ATRNL1: variants seen among roughly 807,000 people sequenced by gnomAD.
The protein encoded by ATRNL1 is attractin-like protein 1.
In ATRNL1, 95 loss-of-function variants were observed where a neutral mutation model predicts 182.7. That is an observed-to-expected ratio of 0.52 (90% CI 0.44 to 0.62). The LOEUF (loss-of-function observed/expected upper bound fraction) is 0.62, where lower values mean the gene tolerates loss of function less well. Ranked by LOEUF, ATRNL1 falls within the 20% of genes least tolerant of loss-of-function variation. ATRNL1 has a pLI of 0.00. For synonymous variants in ATRNL1, 576 were observed against 568.3 expected, an observed-to-expected ratio of 1.01 and a Z score of -0.19; for missense variants, 1,471 against 1,679.5, an observed-to-expected ratio of 0.88 and a Z score of 2.17.
At chr10:115,926,373 T>C (rs1555120131) in intron 28 of ATRNL1, among the ~76,000 whole-genome samples, 1 of 151,314 alleles carries the variant, frequency 6.6e-6, no homozygotes, top group African/African-American at 2.4e-5. Flanking sequence ...AGCAAACTAA[T>C]CCAAAAGCTA....
intron 18 of ATRNL1, among the ~76,000 whole-genome samples, chr10:115,324,900 T>C (rs973256979): frequency 1.3e-5 from 2 of 152,176 alleles, no homozygotes; most frequent in African/African-American, 2.4e-5. Flanking sequence ...TTAGCTTTAC[T>C]ATTCTTATTT....
At chr10:115,554,994 G>A (rs1299031731) in intron 26 of ATRNL1, among the ~76,000 whole-genome samples, 1 of 151,702 alleles carries the variant, frequency 6.6e-6, no homozygotes, top group Non-Finnish European at 1.5e-5. Flanking sequence ...TCAAACGAAT[G>A]TATATCTCGA....
intron 26 of ATRNL1, among the ~76,000 whole-genome samples, chr10:115,614,879 T>C (rs1857353705): frequency 6.6e-6 from 1 of 152,202 alleles, no homozygotes; most frequent in Non-Finnish European, 1.5e-5. Context: ...GAATATCTTT[T>C]TCTCATCCCT....
intron 26 of ATRNL1, among the ~76,000 whole-genome samples, chr10:115,681,942 G>A (rs1211769347): frequency 6.6e-6 from 1 of 152,130 alleles, no homozygotes; most frequent in African/African-American, 2.4e-5. Context: ...AATTGATCCT[G>A]AGATACAATG....
intron 8 of ATRNL1, among the ~76,000 whole-genome samples, chr10:115,187,578 A>T (rs1847989298): frequency 1.3e-5 from 2 of 151,934 alleles, no homozygotes; most frequent in Admixed American, 6.6e-5. Flanking sequence ...CAAAATTTAA[A>T]TGTATAGATA....
intron 19 of ATRNL1, among the ~76,000 whole-genome samples, chr10:115,374,184 T>C (rs2134207247): frequency 6.6e-6 from 1 of 152,004 alleles, no homozygotes; most frequent in Middle Eastern, 3.4e-3. Context: ...CATAATCTTC[T>C]ATGATATTAG....
chr10:115,643,212 G>A (rs1249989198), intron 26 of ATRNL1, among the ~76,000 whole-genome samples: 1 of 152,120 alleles, frequency 6.6e-6, no homozygotes, highest in Non-Finnish European at 1.5e-5. Flanking sequence ...ATGCAAAGGT[G>A]TTTCAATGGA....
intron 28 of ATRNL1, among the ~76,000 whole-genome samples, chr10:115,875,431 T>C (rs1565453906): frequency 6.6e-6 from 1 of 152,276 alleles, no homozygotes; most frequent in African/African-American, 2.4e-5. Context: ...GGATAAGTTA[T>C]CCTGAGGGAC....
rs985581513 is a variant in ATRNL1 at position 115,787,322 on chromosome 10, C to T, written c.3903+59967C>T. On this transcript the variant is annotated intron_variant, in intron 27 of 28. Coordinates refer to ENST00000355044, the MANE Select transcript of ATRNL1 (RefSeq NM_207303.4). ...AGAGATTTGCAACATCAATATATAGCCAGGCTTTACCCATTCGGGCCACTA... is the reference window on the plus strand; with the variant it reads ...AGAGATTTGCAACATCAATATATAGTCAGGCTTTACCCATTCGGGCCACTA... Among the ~76,000 whole-genome samples the T allele has an allele frequency of 2.6e-5, 4 of 152,116 alleles. No homozygotes were observed. The South Asian group carries it at 6.2e-4, about 24-fold the overall frequency.
chr10:115,918,098 CTTT>C (rs534230786), intron 28 of ATRNL1, among the ~76,000 whole-genome samples: 3,141 of 123,810 alleles, frequency 0.025, 51 homozygotes, highest in African/African-American at 0.046. Context: ...TTTTTAGTGT[CTTT>C]TTTTTTTTTT....
At chr10:115,160,309 T>G in intron 6 of ATRNL1, 95 bp downstream of exon 6, 1 of 1,237,814 alleles carries the variant, frequency 8.1e-7, no homozygotes, top group African/African-American at 1.5e-5. Context: ...GTAAAAGTGG[T>G]TATTTTTGTG....
chr10:115,337,153 G>T (rs1396769176), intron 19 of ATRNL1, among the ~76,000 whole-genome samples: 6 of 151,836 alleles, frequency 4.0e-5, no homozygotes, highest in Admixed American at 2.0e-4. Flanking sequence ...GAGCCACCAT[G>T]CCTGGGCATT....
chr10:115,309,338 G>A (rs1853898859), intron 17 of ATRNL1, among the ~76,000 whole-genome samples: 2 of 152,180 alleles, frequency 1.3e-5, no homozygotes, highest in South Asian at 4.2e-4. Context: ...GACTGGAAGT[G>A]CACTGAACCT....
chr10:115,181,327 AG>A (rs1458180139), intron 8 of ATRNL1, among the ~76,000 whole-genome samples: 1 of 151,876 alleles, frequency 6.6e-6, no homozygotes, highest in African/African-American at 2.4e-5. Context: ...AGGAATCAAA[AG>A]ATGCCATTTA....
At chr10:115,444,837 T>G (rs1333809354) in intron 21 of ATRNL1, among the ~76,000 whole-genome samples, 1 of 151,994 alleles carries the variant, frequency 6.6e-6, no homozygotes, top group African/African-American at 2.4e-5. Flanking sequence ...GTTCATGCGA[T>G]TCTCCTGCCT....
At chr10:115,753,628 A>G (rs1239798811) in intron 27 of ATRNL1, among the ~76,000 whole-genome samples, 2 of 152,208 alleles carry the variant, frequency 1.3e-5, no homozygotes, top group African/African-American at 2.4e-5. Flanking sequence ...CAGTGCCGCA[A>G]TAAACATAAG....
At chr10:115,431,401 T>TA (rs3981285) in intron 21 of ATRNL1, among the ~76,000 whole-genome samples, 3,917 of 110,778 alleles carry the variant, frequency 0.035, 179 homozygotes, top group African/African-American at 0.1. Flanking sequence ...AGAGTGAAAC[T>TA]AAAAAAAAAA....
chr10:115,298,882 A>G (rs1470005177), intron 15 of ATRNL1, among the ~76,000 whole-genome samples: 2 of 152,120 alleles, frequency 1.3e-5, no homozygotes, highest in African/African-American at 4.8e-5. Flanking sequence ...ATTTTATCCA[A>G]GAAACATTTG....
At chr10:115,120,874 T>C (rs2143625437) in intron 2 of ATRNL1, among the ~76,000 whole-genome samples, 1 of 152,324 alleles carries the variant, frequency 6.6e-6, no homozygotes, top group East Asian at 1.9e-4. Flanking sequence ...TACATTTTGT[T>C]TATTTGTTAA....
Sources: gnomAD v4.1 joint callset for allele counts (sites outside exome capture counted in the v4.1 genomes callset) on GRCh38, gnomAD v4.1.1 for gene constraint, MANE v1.5 for transcripts, NCBI Gene and HGNC (gene_info 2026-07-23, HGNC 2026-07-21) for gene names.